Variants in PCDHA5 observed in about 807,000 individuals in gnomAD.
PCDHA5 encodes the protein protocadherin alpha-5.
A neutral mutation model predicts 61.6 loss-of-function variants in PCDHA5; 43 were observed. The ratio of observed to expected loss-of-function variants is 0.70; its 90% CI spans 0.55 to 0.90. The LOEUF (loss-of-function observed/expected upper bound fraction) is 0.90. Ranked by LOEUF, PCDHA5 falls within the 40% of genes least tolerant of loss-of-function variation. The pLI, the probability that PCDHA5 is intolerant of heterozygous loss-of-function variation, is 0.00. For synonymous variants in PCDHA5, 627 were observed against 543.9 expected, an observed-to-expected ratio of 1.15 and a Z score of -2.13; for missense variants, 1,298 against 1,222.7, an observed-to-expected ratio of 1.06 and a Z score of -0.92.
At chr5:140,845,616 T>C (rs1554140941) in intron 1 of PCDHA5, among the ~76,000 whole-genome samples, 1 of 149,626 alleles carries the variant, frequency 6.7e-6, no homozygotes, top group Non-Finnish European at 1.5e-5. Flanking sequence ...TATTGTGGAT[T>C]CTGAAGCTCT....
intron 1 of PCDHA5, chr5:140,928,541 AC>A: frequency 3.7e-6 from 6 of 1,614,192 alleles, no homozygotes; most frequent in Non-Finnish European, 5.1e-6. Context: ...GATAGGAATG[AC>A]AATTATCCGG....
chr5:140,893,781 G>C (rs113070458), intron 1 of PCDHA5, among the ~76,000 whole-genome samples: 1 of 151,996 alleles, frequency 6.6e-6, no homozygotes, highest in Non-Finnish European at 1.5e-5. Context: ...TTCTTTTACC[G>C]TTTTTAGAAT....
Position 140,821,947 on chromosome 5 carries a change from C to T in PCDHA5, c.172C>T (p.Leu58=). The T allele has an allele frequency of 6.2e-7, 1 of 1,614,184 alleles. No individual in the cohort carries two copies. Among genetic ancestry groups the T allele is most frequent in the Non-Finnish European group, 8.5e-7 (1 of 1,180,046 alleles). Residue 58 remains leucine, a synonymous_variant, in exon 1 of 4, where the codon CTG becomes TTG. Transcript: ENST00000529859. ...AQDLGLELAE[L]VPRLFRVASK... is the part of the protein sequence containing the mutation. Reference sequence around the variant, plus strand: ...GGACCTAGGGCTGGAGCTGGCGGAGCTGGTGCCGCGCCTGTTCCGGGTGGC... The same window carrying T: ...GGACCTAGGGCTGGAGCTGGCGGAGTTGGTGCCGCGCCTGTTCCGGGTGGC...
rs2150114361 is a variant in PCDHA5, at chr5:140,822,176, G to A, written c.401G>A (p.Arg134Lys). Residue 134 changes from arginine to lysine, a missense_variant, in exon 1 of 4, where the codon AGA (arginine) becomes AAA (lysine). Coordinates refer to ENST00000529859, the MANE Select transcript of PCDHA5 (RefSeq NM_018908.3). ...DINDNPPRFS[R>K]QEQRLFILES... ...AATGACAATCCGCCCAGGTTCTCCAGACAAGAACAAAGATTATTCATTTTA... is the reference window on the plus strand; with the variant it reads ...AATGACAATCCGCCCAGGTTCTCCAAACAAGAACAAAGATTATTCATTTTA... The A allele has an allele frequency of 6.2e-7, 1 of 1,614,274 alleles. No homozygotes were observed. The highest frequency in any genetic ancestry group is 2.2e-5 in the East Asian group (1 of 44,876).
At chr5:140,861,646 T>C in intron 1 of PCDHA5, 1 of 291,698 alleles carries the variant, frequency 3.4e-6, no homozygotes, top group Non-Finnish European at 6.9e-6. Context: ...CAAAAGAATC[T>C]GTTTCTGAAA....
chr5:140,835,776 AAGG>A (rs1266986197), intron 1 of PCDHA5: 2 of 1,613,090 alleles, frequency 1.2e-6, no homozygotes, highest in South Asian at 1.1e-5. Flanking sequence ...GGTGTTCGTG[AAGG>A]AGAACAACCC....
intron 1 of PCDHA5, chr5:140,877,772 C>T (rs372461540): frequency 9.3e-6 from 15 of 1,614,150 alleles, no homozygotes; most frequent in Non-Finnish European, 1.2e-5. Context: ...CCGCCCAAGA[C>T]GGACCTCATG....
At position 140,821,982 on chromosome 5, in the gene PCDHA5, C is replaced by A. The variant is rs2150112541; in HGVS notation, c.207C>A (p.Gly69=). ...GCCTGTTCCGGGTGGCGTCCAAGGG[C>A]CGCGGGGACCTTCTGGAGGTAAATC... ...VPRLFRVASK[G]RGDLLEVNLQ... is the part of the protein sequence containing the mutation. Residue 69 remains glycine (G), a synonymous_variant, in exon 1 of 4, where the codon GGC becomes GGA. Coordinates refer to ENST00000529859, the MANE Select transcript of PCDHA5 (RefSeq NM_018908.3). The A allele has an allele frequency of 7.4e-6, 12 of 1,614,108 alleles. No homozygotes were observed. The highest frequency in any genetic ancestry group is 3.3e-5 in the South Asian group (3 of 91,080).
chr5:140,855,032 A>AT (rs2043313669), intron 1 of PCDHA5, among the ~76,000 whole-genome samples: 1 of 149,732 alleles, frequency 6.7e-6, no homozygotes, highest in Non-Finnish European at 1.5e-5. Flanking sequence ...TGTATAAAGG[A>AT]TTTTTCTGTA....
chr5:141,009,649 C>G lies in PCDHA5; in HGVS notation c.2523C>G (p.Ser841=). The change falls in exon 4 of 4, where the codon TCC becomes TCG. Residue 841 remains serine, a synonymous_variant. Coordinates refer to ENST00000529859, the MANE Select transcript of PCDHA5 (RefSeq NM_018908.3). ...ATPEPEAGEV[S]PPVGAGVNSN... ...CAGAACCAGAGGCAGGAGAAGTGTC[C>G]CCTCCAGTCGGTGCGGGTGTCAACA... 1 of 1,613,646 alleles carries G rather than the reference C, an allele frequency of 6.2e-7. No homozygotes were observed. The highest frequency in any genetic ancestry group is 8.5e-7 in the Non-Finnish European group (1 of 1,179,816).
intron 3 of PCDHA5, among the ~76,000 whole-genome samples, chr5:140,997,793 T>G (rs2097785892): frequency 6.6e-6 from 1 of 152,112 alleles, no homozygotes; most frequent in Non-Finnish European, 1.5e-5. Context: ...ATATTATAAT[T>G]TATCCAATTT....
At chr5:140,839,764 G>A (rs893515240) in intron 1 of PCDHA5, among the ~76,000 whole-genome samples, 1 of 151,822 alleles carries the variant, frequency 6.6e-6, no homozygotes, top group South Asian at 2.1e-4. Flanking sequence ...TTTAACCTAC[G>A]TTTTTGGTAA....
intron 1 of PCDHA5, among the ~76,000 whole-genome samples, chr5:140,936,344 T>C (rs1403940424): frequency 6.6e-6 from 1 of 152,224 alleles, no homozygotes; most frequent in Non-Finnish European, 1.5e-5. Context: ...TATCTGCATA[T>C]ATGGAATGTG....
intron 1 of PCDHA5, chr5:140,857,957 G>T (rs2045052132): frequency 6.3e-7 from 1 of 1,597,294 alleles, no homozygotes; most frequent in African/African-American, 1.3e-5. Flanking sequence ...GCGCGCTCTG[G>T]ATGAGACTGA....
chr5:140,883,946 G>C lies in PCDHA5; in HGVS notation c.2352+59819G>C, dbSNP rs139225969. ...GCAGGTGTTCGTGCTGGACGAGAACGACAACGCTCCGGCGCTGCTGACGCC... is the reference window on the plus strand; with the variant it reads ...GCAGGTGTTCGTGCTGGACGAGAACCACAACGCTCCGGCGCTGCTGACGCC... On this transcript the variant is annotated intron_variant, in intron 1 of 3. Coordinates refer to ENST00000529859, the MANE Select transcript of PCDHA5 (RefSeq NM_018908.3). The C allele has an allele frequency of 4.8e-5, 77 of 1,613,392 alleles. No individual in the cohort carries two copies. In the African/African-American group the frequency reaches 8.8e-4, roughly 18 times the overall value.
At position 140,850,061 on chromosome 5, in the gene PCDHA5, G is replaced by T. The variant is rs2150465496; in HGVS notation, c.2352+25934G>T. 7 of 1,596,546 alleles carry T rather than the reference G, an allele frequency of 4.4e-6. No individual in the cohort carries two copies. In the South Asian group the frequency reaches 6.6e-5, roughly 15 times the overall value. ...GCGGCAAGGTGTACGCGCTGCAGCCGTTGGACCACGAGGAGCTGGAGCTGC... is the reference window on the plus strand; with the variant it reads ...GCGGCAAGGTGTACGCGCTGCAGCCTTTGGACCACGAGGAGCTGGAGCTGC... On this transcript the variant is annotated intron_variant, in intron 1 of 3. Transcript: ENST00000529859.
chr5:140,972,837 T>C (rs1328315293), intron 1 of PCDHA5, among the ~76,000 whole-genome samples: 1 of 152,004 alleles, frequency 6.6e-6, no homozygotes, highest in Non-Finnish European at 1.5e-5. Context: ...CTAATTTTTG[T>C]ATTTTTAGTA....
At position 140,929,210 on chromosome 5, in the gene PCDHA5, G is replaced by A. The variant is rs782078369; in HGVS notation, c.2353-49739G>A. The A allele has an allele frequency of 1.9e-6, 3 of 1,613,952 alleles. No individual in the cohort carries two copies. The South Asian group carries it at 3.3e-5, about 18-fold the overall frequency. The stretch of plus-strand genomic sequence containing the variant: ...GATAATAACAGTTTGCTGTTGCGTG[G>A]GGAGTACAATGCTGCCGACCTGCGA... On this transcript the variant is annotated intron_variant, in intron 1 of 3. Transcript: ENST00000529859.
chr5:140,869,189 G>T (rs1554162601), intron 1 of PCDHA5: 1 of 1,613,836 alleles, frequency 6.2e-7, no homozygotes, highest in African/African-American at 1.3e-5. Flanking sequence ...GTGGGGAGCG[G>T]CCAGCTCCAC....
Sources: allele counts gnomAD v4.1 joint callset (sites outside exome capture counted in the v4.1 genomes callset), GRCh38; gene constraint gnomAD v4.1.1; transcripts MANE v1.5; gene names NCBI Gene and HGNC (gene_info 2026-07-23, HGNC 2026-07-21).